ADCY3: variants seen among roughly 807,000 people sequenced by gnomAD.
ADCY3 encodes the protein adenylate cyclase 3.
ADCY3 carries 70 observed loss-of-function variants against 119.4 expected under a neutral mutation model. That is an observed-to-expected ratio of 0.59 (90% CI 0.48 to 0.72). The LOEUF (loss-of-function observed/expected upper bound fraction) is 0.72, where lower values mean the gene tolerates loss of function less well. Among genes scored for constraint, ADCY3 ranks in the 30% least tolerant of loss-of-function variants. The pLI, the probability that ADCY3 is intolerant of heterozygous loss-of-function variation, is 0.00. For missense variants in ADCY3, 1,238 were observed against 1,541.6 expected, an observed-to-expected ratio of 0.80 and a Z score of 3.30; for synonymous variants, 672 against 621.4, an observed-to-expected ratio of 1.08 and a Z score of -1.21.
intron 11 of ADCY3, 144 bp from the exon 12 acceptor site, chr2:24,831,893 GCAGGGGA>G (rs1324206745): frequency 4.3e-6 from 1 of 231,346 alleles, no homozygotes; most frequent in South Asian, 3.3e-5. Flanking sequence ...GGGCCAGGGG[GCAGGGGA>G]CAGCGGACAG....
intron 2 of ADCY3, among the ~76,000 whole-genome samples, chr2:24,875,877 T>C (rs1476003282): frequency 2.0e-5 from 3 of 152,174 alleles, no homozygotes; most frequent in African/African-American, 7.2e-5. Flanking sequence ...TCCTCCAGCA[T>C]TCAAATCTCA....
At chr2:24,840,559 G>A (rs78927940) in intron 6 of ADCY3, 16 of 468,098 alleles carry the variant, frequency 3.4e-5, no homozygotes, top group East Asian at 7.0e-5. Flanking sequence ...CCGCCCCCTC[G>A]GAGAAGGGGG....
chr2:24,844,186 G>A (rs1212433311), intron 3 of ADCY3, among the ~76,000 whole-genome samples: 1 of 152,170 alleles, frequency 6.6e-6, no homozygotes, highest in Non-Finnish European at 1.5e-5. Context: ...CCTTCAGGGT[G>A]GAGTGCTTCC....
intron 2 of ADCY3, among the ~76,000 whole-genome samples, chr2:24,879,341 T>G (rs1676098552): frequency 6.8e-6 from 1 of 147,084 alleles, no homozygotes; most frequent in Admixed American, 6.9e-5. Flanking sequence ...CCAGGCGTGG[T>G]GGGCAGGAGG....
chr2:24,894,097 T>C (rs7603153), intron 2 of ADCY3, among the ~76,000 whole-genome samples: 71,057 of 152,054 alleles, frequency 0.47, 19,592 homozygotes, highest in African/African-American at 0.78. Context: ...ATGAGTCATA[T>C]CTCTTTGTTA....
intron 3 of ADCY3, among the ~76,000 whole-genome samples, chr2:24,854,954 A>G (rs2148682222): frequency 6.6e-6 from 1 of 152,246 alleles, no homozygotes; most frequent in Admixed American, 6.5e-5. Flanking sequence ...GGAGGCTGAA[A>G]CACGAGAATC....
chr2:24,906,685 G>C (rs991604456), intron 2 of ADCY3, among the ~76,000 whole-genome samples: 1 of 152,192 alleles, frequency 6.6e-6, no homozygotes, highest in Non-Finnish European at 1.5e-5. Flanking sequence ...TTACTGATTT[G>C]GTTTCTTAGG....
intron 2 of ADCY3, among the ~76,000 whole-genome samples, chr2:24,888,340 C>T (rs143903785): frequency 3.4e-4 from 52 of 152,316 alleles, no homozygotes; most frequent in Admixed American, 9.2e-4. Flanking sequence ...CCCAGCTGGA[C>T]GGCTCAGCTC....
At chr2:24,880,520 T>G (rs1676260821) in intron 2 of ADCY3, among the ~76,000 whole-genome samples, 1 of 152,232 alleles carries the variant, frequency 6.6e-6, no homozygotes, top group African/African-American at 2.4e-5. Context: ...GTCCACATGT[T>G]ATGACGAGTC....
chr2:24,897,338 G>A (rs1275350921), intron 2 of ADCY3, among the ~76,000 whole-genome samples: 1 of 150,458 alleles, frequency 6.6e-6, no homozygotes, highest in Non-Finnish European at 1.5e-5. Flanking sequence ...CTTATAGAAT[G>A]TACCCCCACC....
At chr2:24,821,169 T>TC (rs1667638401) in intron 20 of ADCY3, 1 of 435,818 alleles carries the variant, frequency 2.3e-6, no homozygotes, top group African/African-American at 2.0e-5. Flanking sequence ...CAGCAGGTGA[T>TC]CTTAACTCCT....
At position 24,821,640 on chromosome 2, in the gene ADCY3, C is replaced by T; in HGVS notation, c.3004G>A (p.Glu1002Lys). 2 of 1,613,896 alleles carry T rather than the reference C, an allele frequency of 1.2e-6. No individual in the cohort carries two copies. Among genetic ancestry groups the T allele is most frequent in the South Asian group, 2.2e-5 (2 of 91,062 alleles). The change falls in exon 20 of 22, where the codon GAA becomes AAA. Residue 1002 changes from glutamate (E) to lysine (K), a missense_variant and splice_region_variant. Physicochemically the swap from Glu to Lys is moderately conservative, Grantham distance 56. Around this residue, in one of 7 missense-constraint regions of ADCY3, gnomAD observed 63 missense variants for 62.8 expected, o/e 1.00. Transcript: ENST00000679454. ...CAGCGCTCTCTCTCGGACTTGTCTT[C>T]CTGTGCCAGGGGACCGTGGAGAAAG... The part of the protein sequence containing the change: ...NTNGFASSNK[E>K]DKSERERWQH...
At chr2:24,823,579 C>T (rs767781080) in intron 17 of ADCY3, among the ~76,000 whole-genome samples, 1 of 150,520 alleles carries the variant, frequency 6.6e-6, no homozygotes, top group Non-Finnish European at 1.5e-5. Context: ...TAGGTATGAT[C>T]GAAGCACACT....
intron 9 of ADCY3, 134 bp from the exon 10 acceptor site, chr2:24,835,070 T>A: frequency 8.2e-7 from 1 of 1,216,358 alleles, no homozygotes; most frequent in Non-Finnish European, 1.1e-6. Flanking sequence ...AGCTCTAAAA[T>A]CCCTTTCCGG....
intron 3 of ADCY3, among the ~76,000 whole-genome samples, chr2:24,865,873 CA>C (rs1674222233): frequency 6.6e-6 from 1 of 152,068 alleles, no homozygotes; most frequent in Non-Finnish European, 1.5e-5. Context: ...CAATGCACTC[CA>C]CCACTTTTCC....
chr2:24,827,796 C>T, intron 14 of ADCY3, 106 bp downstream of exon 14: 5 of 1,534,780 alleles, frequency 3.3e-6, no homozygotes, highest in Non-Finnish European at 4.4e-6. Flanking sequence ...TTTGAGGACC[C>T]CTAGTGGCAG....
chr2:24,881,860 T>C (rs1309118986), intron 2 of ADCY3, among the ~76,000 whole-genome samples: 2 of 152,134 alleles, frequency 1.3e-5, no homozygotes, highest in Non-Finnish European at 2.9e-5. Flanking sequence ...CGGGTGCTAC[T>C]GGCCTCTAGT....
Position 24,839,829 on chromosome 2 carries a change from C to T in ADCY3, c.1355+44G>A, listed in dbSNP as rs764068209. ...AGCCCTGGGGGATGGAGGGGACGGT[C>T]CCCTCCCCAGTCCTCAAACCTGCCC... On this transcript the variant is annotated intron_variant, in intron 7 of 21. Transcript: ENST00000679454. 6 of 1,612,486 alleles carry T rather than the reference C, an allele frequency of 3.7e-6. 1 individual carries two copies. The Admixed American group carries it at 1.0e-4, about 27-fold the overall frequency.
chr2:24,894,977 C>T (rs910959160), intron 2 of ADCY3, among the ~76,000 whole-genome samples: 2 of 151,984 alleles, frequency 1.3e-5, no homozygotes, highest in South Asian at 4.2e-4. Flanking sequence ...TATCTTTGTT[C>T]CTCTCTATGT....
Sources: gnomAD v4.1 joint callset for allele counts (sites outside exome capture counted in the v4.1 genomes callset) on GRCh38, gnomAD v4.1.1 for gene constraint, gnomAD v4.1.1 regional missense constraint, MANE v1.5 for transcripts, NCBI Gene and HGNC (gene_info 2026-07-23, HGNC 2026-07-21) for gene names.